The following MAP2 variants were observed in gnomAD, a reference collection of about 807,000 sequenced individuals.
MAP2 encodes microtubule associated protein 2, also known as microtubule-associated protein 2.
MAP2 carries 14 observed loss-of-function variants against 137.6 expected under a neutral mutation model. That is an observed-to-expected ratio of 0.10 (90% CI 0.07 to 0.16). The LOEUF (loss-of-function observed/expected upper bound fraction) is 0.16, where lower values mean the gene tolerates loss of function less well. MAP2 is among the 10% of genes least tolerant of loss of function. MAP2 has a pLI of 1.00. For synonymous variants in MAP2, 786 were observed against 782.3 expected (o/e 1.00, Z -0.08); for missense variants, 2,088 against 2,191.5 (o/e 0.95, Z 0.94).
At chr2:209,646,782 T>TTTGTTGTTGTTG (rs564612081) in intron 4 of MAP2, among the ~76,000 whole-genome samples, 1,990 of 152,068 alleles carry the variant, frequency 0.013, 42 homozygotes, top group African/African-American at 0.046. Context: ...TCTTCATTCT[T>TTTGTTGTTGTTG]TTGTTGTTGT....
chr2:209,666,528 T>A (rs576206185), intron 5 of MAP2, among the ~76,000 whole-genome samples: 1 of 152,192 alleles, frequency 6.6e-6, no homozygotes, highest in Admixed American at 6.5e-5. Context: ...TCATCTGCCA[T>A]CCTGAAGAAA....
chr2:209,463,715 A>G (rs1247961409), intron 1 of MAP2, among the ~76,000 whole-genome samples: 1 of 152,234 alleles, frequency 6.6e-6, no homozygotes, highest in Non-Finnish European at 1.5e-5. Context: ...CTGAGTTATA[A>G]CATTTTAACT....
At chr2:209,481,223 T>G (rs969825554) in intron 1 of MAP2, among the ~76,000 whole-genome samples, 1 of 152,182 alleles carries the variant, frequency 6.6e-6, no homozygotes, top group African/African-American at 2.4e-5. Flanking sequence ...AGGGAGAACT[T>G]GAGCTGCTTT....
chr2:209,451,100 C>T (rs951786244), intron 1 of MAP2, among the ~76,000 whole-genome samples: 1 of 152,044 alleles, frequency 6.6e-6, no homozygotes, highest in African/African-American at 2.4e-5. Context: ...TACATTGAAT[C>T]TGAACAATTG....
intron 5 of MAP2, among the ~76,000 whole-genome samples, chr2:209,659,607 A>G (rs1269321257): frequency 6.6e-6 from 1 of 152,174 alleles, no homozygotes; most frequent in Non-Finnish European, 1.5e-5. Flanking sequence ...CTAGTTTTCA[A>G]TCTGAGTAGA....
At chr2:209,433,240 A>G (rs1198903081) in intron 1 of MAP2, among the ~76,000 whole-genome samples, 2 of 152,166 alleles carry the variant, frequency 1.3e-5, no homozygotes, top group Admixed American at 6.6e-5. Context: ...GGGAATATAC[A>G]ATAAACATAT....
At chr2:209,608,229 A>G (rs1263630145) in intron 3 of MAP2, among the ~76,000 whole-genome samples, 1 of 152,174 alleles carries the variant, frequency 6.6e-6, no homozygotes, top group Non-Finnish European at 1.5e-5. Flanking sequence ...TGAAACAAAG[A>G]TTAAATACTG....
chr2:209,573,474 A>G (rs963536367), intron 2 of MAP2, among the ~76,000 whole-genome samples: 2 of 151,460 alleles, frequency 1.3e-5, no homozygotes, highest in African/African-American at 4.8e-5. Context: ...TTGTATTTTT[A>G]GTAGAGACAG....
chr2:209,566,695 C>G (rs75329088), intron 2 of MAP2, among the ~76,000 whole-genome samples: 3,000 of 152,172 alleles, frequency 0.02, 95 homozygotes, highest in African/African-American at 0.068. Flanking sequence ...TCTTCACAAC[C>G]CCCGTTTGTT....
chr2:209,529,945 T>C (rs1016424871), intron 2 of MAP2, among the ~76,000 whole-genome samples: 2 of 126,860 alleles, frequency 1.6e-5, no homozygotes, highest in African/African-American at 5.7e-5. Flanking sequence ...TCAATAATTC[T>C]ATGAGTATTG....
chr2:209,641,163 A>G (rs1221849909), intron 4 of MAP2, among the ~76,000 whole-genome samples: 1 of 152,056 alleles, frequency 6.6e-6, no homozygotes, highest in Non-Finnish European at 1.5e-5. Context: ...TGGTGGTGCA[A>G]ATACTTATGG....
At chr2:209,509,957 C>T (rs35553764) in intron 2 of MAP2, among the ~76,000 whole-genome samples, 8,863 of 150,732 alleles carry the variant, frequency 0.059, 301 homozygotes, top group South Asian at 0.093. Flanking sequence ...TAATGAATAG[C>T]ATCTTAGATT....
At position 209,490,802 on chromosome 2, in the gene MAP2, A is replaced by T. The variant is rs538819129; in HGVS notation, c.-221-16790A>T. Among the ~76,000 whole-genome samples, 3 of 152,158 alleles carry T rather than the reference A, an allele frequency of 2.0e-5. No individual in the cohort carries two copies. The South Asian group carries it at 6.2e-4, about 32-fold the overall frequency. ...ACAGGAGCACTCAGATTTATAAAGC[A>T]GGTTCTTAGAGACCTACAAAGAGAC... On this transcript the variant is annotated intron_variant, in intron 1 of 15. Coordinates refer to ENST00000682079, the MANE Select transcript of MAP2 (RefSeq NM_001375505.1).
chr2:209,679,322 CATAGATAGATAGATAGATAG>C (rs3036677), intron 6 of MAP2, among the ~76,000 whole-genome samples: 31,217 of 148,454 alleles, frequency 0.21, 5,020 homozygotes, highest in African/African-American at 0.45. Context: ...TGCCCCTACT[CATAGATAGATAGATAGATAG>C]ATAGATAGAT....
intron 1 of MAP2, among the ~76,000 whole-genome samples, chr2:209,497,170 G>A (rs1313301462): frequency 3.3e-5 from 5 of 152,130 alleles, no homozygotes; most frequent in East Asian, 1.9e-4. Context: ...CTAAGTGCCC[G>A]TGTGACTGTT....
chr2:209,595,636 C>T (rs568460562), intron 3 of MAP2, among the ~76,000 whole-genome samples: 6 of 152,318 alleles, frequency 3.9e-5, no homozygotes, highest in South Asian at 4.1e-4. Flanking sequence ...ATAAATCATG[C>T]TACTATAAAG....
rs1286103137 is a variant in MAP2 at position 209,593,634 on chromosome 2, A to AAAAAAAAAAT, written c.-107+13535_-107+13536insAAAAAAAATA. Among the ~76,000 whole-genome samples the AAAAAAAAAAT allele has an allele frequency of 7.1e-4, 24 of 33,640 alleles. 1 individual carries two copies. Among genetic ancestry groups the AAAAAAAAAAT allele is most frequent in the Non-Finnish European group, 6.4e-4 (13 of 20,364 alleles). 22.1% of individuals were successfully genotyped at this position (33,640 alleles called of 152,430 possible). A position where few individuals can be genotyped will look rare whatever the true frequency, so the allele number is the denominator to read the frequency against. ...CCTGTCTCTACAAAAAAAAAAAAAA[A>AAAAAAAAAAT]ATATATATATATATATATATATATA... On this transcript the variant is annotated intron_variant, in intron 3 of 15. Coordinates refer to ENST00000682079, the MANE Select transcript of MAP2 (RefSeq NM_001375505.1).
chr2:209,450,066 C>G (rs1017426977), intron 1 of MAP2, among the ~76,000 whole-genome samples: 1 of 152,084 alleles, frequency 6.6e-6, no homozygotes, highest in African/African-American at 2.4e-5. Context: ...CTCAGTCTCC[C>G]GAGTAGCTGG....
chr2:209,441,011 G>A (rs2149390420), intron 1 of MAP2, among the ~76,000 whole-genome samples: 1 of 151,530 alleles, frequency 6.6e-6, no homozygotes, highest in Non-Finnish European at 1.5e-5. Flanking sequence ...TTAAATAAGA[G>A]CCCAGTCATA....
Sources: allele counts gnomAD v4.1 joint callset (sites outside exome capture counted in the v4.1 genomes callset), GRCh38; gene constraint gnomAD v4.1.1; transcripts MANE v1.5; gene names NCBI Gene and HGNC (gene_info 2026-07-23, HGNC 2026-07-21).